The following SLC4A10 variants were observed in gnomAD, a reference collection of about 807,000 sequenced individuals.
The protein encoded by SLC4A10 is solute carrier family 4 member 10.
SLC4A10 carries 42 observed loss-of-function variants against 137.7 expected under a neutral mutation model. That is an observed-to-expected ratio of 0.30 (90% CI 0.24 to 0.39). The LOEUF is 0.39. Among genes scored for constraint, SLC4A10 ranks in the 10% least tolerant of loss-of-function variants. The probability of loss-of-function intolerance (pLI) is 1.00; values close to 1 mark genes in which losing one functional copy is unlikely to be tolerated. For missense variants in SLC4A10, 925 were observed against 1,355.0 expected, an observed-to-expected ratio of 0.68 and a Z score of 4.98; for synonymous variants, 474 against 464.1, an observed-to-expected ratio of 1.02 and a Z score of -0.27.
At chr2:161,976,426 T>A (rs1047773976) in intron 24 of SLC4A10, among the ~76,000 whole-genome samples, 2 of 151,904 alleles carry the variant, frequency 1.3e-5, no homozygotes, top group Non-Finnish European at 2.9e-5. Context: ...AGACAGAAAG[T>A]GGAATTATAG....
intron 26 of SLC4A10, among the ~76,000 whole-genome samples, chr2:161,979,830 G>T (rs1699965755): frequency 6.6e-6 from 1 of 152,124 alleles, no homozygotes; most frequent in South Asian, 2.1e-4. Context: ...TTTCCATCCT[G>T]TGCTGTAATG....
At position 161,640,469 on chromosome 2, in the gene SLC4A10, G is replaced by T. The variant is rs911911629; in HGVS notation, c.48+15903G>T. Among the ~76,000 whole-genome samples the T allele has an allele frequency of 2.6e-5, 4 of 152,154 alleles. No homozygotes were observed. The East Asian group carries it at 7.7e-4, about 29-fold the overall frequency. On this transcript the variant is annotated intron_variant, in intron 1 of 26. Transcript: ENST00000446997. ...ATACCAGTTTTCACTTCCACTAGAA[G>T]CCTCAATGGTATTTAACAAACTTTG...
chr2:161,765,102 T>C (rs1282059642), intron 1 of SLC4A10, among the ~76,000 whole-genome samples: 1 of 152,102 alleles, frequency 6.6e-6, no homozygotes, highest in African/African-American at 2.4e-5. Flanking sequence ...TGATGAGTAT[T>C]TTCAAATGGA....
At chr2:161,954,920 A>G (rs1025936831) in intron 19 of SLC4A10, among the ~76,000 whole-genome samples, 2 of 152,128 alleles carry the variant, frequency 1.3e-5, no homozygotes, top group East Asian at 1.9e-4. Context: ...TCTCCCTCAT[A>G]TTATTGAGAT....
rs201910372 is a variant in SLC4A10 at position 161,685,635 on chromosome 2, CA to C, written c.48+61080del. ...AAAAACAAACAAACAAACAAACAAA[CA>C]AAAAAAAAAACAAAGAAATTGAGGT... On this transcript the variant is annotated intron_variant, in intron 1 of 26. Coordinates refer to ENST00000446997, the MANE Select transcript of SLC4A10 (RefSeq NM_001178015.2). Among the ~76,000 whole-genome samples, 20 of 68,018 alleles carry C rather than the reference CA, an allele frequency of 2.9e-4. No homozygotes were observed. In the South Asian group the frequency reaches 4.5e-3, roughly 15 times the overall value. The allele number at this position is 68,018 out of a possible 152,430, so 44.6% of individuals were successfully genotyped here.
chr2:161,681,228 A>C (rs2040816993), intron 1 of SLC4A10, among the ~76,000 whole-genome samples: 1 of 152,166 alleles, frequency 6.6e-6, no homozygotes, highest in African/African-American at 2.4e-5. Flanking sequence ...GCCAACATTC[A>C]TGCTCATGAC....
At chr2:161,897,053 C>T (rs998494023) in intron 11 of SLC4A10, among the ~76,000 whole-genome samples, 1 of 151,990 alleles carries the variant, frequency 6.6e-6, no homozygotes, top group South Asian at 2.1e-4. Context: ...TACTGCTAAT[C>T]ACAGGAAATA....
intron 4 of SLC4A10, among the ~76,000 whole-genome samples, chr2:161,842,626 G>A (rs1041451195): frequency 1.3e-5 from 2 of 151,830 alleles, no homozygotes; most frequent in Non-Finnish European, 2.9e-5. Context: ...ATGATGTTTT[G>A]TATTGTAATA....
intron 1 of SLC4A10, among the ~76,000 whole-genome samples, chr2:161,705,965 T>G (rs985279895): frequency 6.6e-6 from 1 of 151,654 alleles, no homozygotes; most frequent in Non-Finnish European, 1.5e-5. Flanking sequence ...AACACTGGTA[T>G]GAGTAACATA....
chr2:161,700,652 T>TAA (rs1559061911), intron 1 of SLC4A10, among the ~76,000 whole-genome samples: 1 of 152,116 alleles, frequency 6.6e-6, no homozygotes, highest in Non-Finnish European at 1.5e-5. Context: ...GGTAAAACAA[T>TAA]ATTAACTGTA....
chr2:161,660,803 A>C (rs2038277382), intron 1 of SLC4A10, among the ~76,000 whole-genome samples: 1 of 150,808 alleles, frequency 6.6e-6, no homozygotes, highest in Admixed American at 6.6e-5. Flanking sequence ...ACAGGCGCCC[A>C]CCACCACACC....
chr2:161,969,537 A>C (rs1030637671), intron 23 of SLC4A10, among the ~76,000 whole-genome samples: 4 of 152,134 alleles, frequency 2.6e-5, no homozygotes, highest in African/African-American at 9.7e-5. Context: ...CATTTGACAA[A>C]AGGCTACTTA....
intron 26 of SLC4A10, 83 bp downstream of exon 26, chr2:161,977,843 G>A: frequency 1.5e-6 from 2 of 1,325,060 alleles, no homozygotes; most frequent in East Asian, 2.6e-5. Context: ...GTCAGTCTAT[G>A]TCCTCTGTGT....
intron 1 of SLC4A10, among the ~76,000 whole-genome samples, chr2:161,681,656 A>G (rs961648137): frequency 2.8e-4 from 43 of 152,118 alleles, no homozygotes; most frequent in African/African-American, 4.8e-5. Flanking sequence ...CTGACCACCT[A>G]TAACTCCTTG....
At chr2:161,962,889 A>G (rs938037592) in intron 21 of SLC4A10, among the ~76,000 whole-genome samples, 1 of 152,150 alleles carries the variant, frequency 6.6e-6, no homozygotes, top group African/African-American at 2.4e-5. Context: ...TCCTTTGCAT[A>G]TTAATATGAC....
intron 1 of SLC4A10, among the ~76,000 whole-genome samples, chr2:161,664,152 CT>C (rs979367559): frequency 6.6e-6 from 1 of 151,700 alleles, no homozygotes; most frequent in African/African-American, 2.4e-5. Flanking sequence ...AACCCTGATT[CT>C]TTTTTTTAAA....
chr2:161,873,681 G>A, intron 7 of SLC4A10: 1 of 401,096 alleles, frequency 2.5e-6, no homozygotes, highest in Non-Finnish European at 4.6e-6. Context: ...CTTAGCACTG[G>A]CAATAATTAT....
chr2:161,790,473 A>C (rs2054080689), intron 2 of SLC4A10, among the ~76,000 whole-genome samples: 1 of 152,184 alleles, frequency 6.6e-6, no homozygotes, highest in African/African-American at 2.4e-5. Context: ...ATATAGGATC[A>C]ATGTCAACTG....
At chr2:161,751,006 A>G (rs1474458608) in intron 1 of SLC4A10, among the ~76,000 whole-genome samples, 2 of 151,882 alleles carry the variant, frequency 1.3e-5, no homozygotes, top group East Asian at 3.9e-4. Flanking sequence ...CTTAAAGCCT[A>G]CTTTGCTCTG....
Sources: allele counts gnomAD v4.1 joint callset (sites outside exome capture counted in the v4.1 genomes callset), GRCh38; gene constraint gnomAD v4.1.1; transcripts MANE v1.5; gene names NCBI Gene and HGNC (gene_info 2026-07-23, HGNC 2026-07-21).